The following WDR35 variants were observed in gnomAD, a reference collection of about 807,000 sequenced individuals.
WDR35 encodes the protein WD repeat domain 35.
Under a neutral mutation model 158.3 loss-of-function variants are expected in WDR35, and 118 were observed. That is an observed-to-expected ratio of 0.75 (90% CI 0.64 to 0.87). The LOEUF is 0.87. Among genes scored for constraint, WDR35 ranks in the 40% least tolerant of loss-of-function variants. WDR35 has a pLI of 0.00. For synonymous variants in WDR35, 448 were observed against 476.1 expected (o/e 0.94, Z 0.77); for missense variants, 1,263 against 1,405.8 (o/e 0.90, Z 1.62).
At chr2:19,947,812 C>CA (rs1176737661) in intron 14 of WDR35, among the ~76,000 whole-genome samples, 1 of 152,138 alleles carries the variant, frequency 6.6e-6, no homozygotes, top group Non-Finnish European at 1.5e-5. Flanking sequence ...TCTGTCTTCT[C>CA]GGCTGGTCAT....
rs1450841867 is a variant in WDR35, at chr2:19,910,878, T to C, written c.*2680A>G. On this transcript the variant is annotated 3_prime_UTR_variant, in exon 27 of 27. Transcript: ENST00000281405. ...TCATTAAAACTTTCACAGATATAGATACCAAAGAGGCATAAGCTTTTACAA... is the reference window on the plus strand; with the variant it reads ...TCATTAAAACTTTCACAGATATAGACACCAAAGAGGCATAAGCTTTTACAA... The C allele has an allele frequency of 1.3e-5, 2 of 152,144 alleles. No homozygotes were observed. Among genetic ancestry groups the C allele is most frequent in the Non-Finnish European group, 2.9e-5 (2 of 68,022 alleles). 9.4% of individuals were successfully genotyped at this position (152,144 alleles called of 1,614,324 possible).
At chr2:19,963,583 C>T (rs895114635) in intron 10 of WDR35, among the ~76,000 whole-genome samples, 1 of 152,062 alleles carries the variant, frequency 6.6e-6, no homozygotes, top group Non-Finnish European at 1.5e-5. Context: ...TCACTGGTGT[C>T]CACTCTACTG....
chr2:19,970,326 TTTCA>T (rs1671998781), intron 8 of WDR35, among the ~76,000 whole-genome samples: 1 of 152,230 alleles, frequency 6.6e-6, no homozygotes. Flanking sequence ...TGTCTTTCTC[TTTCA>T]TCCCCTCACA....
chr2:19,940,892 C>T (rs140956092), intron 17 of WDR35, among the ~76,000 whole-genome samples: 428 of 152,308 alleles, frequency 2.8e-3, no homozygotes, highest in African/African-American at 9.3e-3. Context: ...AGATACATTC[C>T]TGGTGTCCCT....
intron 16 of WDR35, among the ~76,000 whole-genome samples, chr2:19,942,182 T>C (rs1019297879): frequency 1.3e-5 from 2 of 152,066 alleles, no homozygotes; most frequent in African/African-American, 4.8e-5. Context: ...TAATAGCATG[T>C]AATATTCAGT....
intron 15 of WDR35, 144 bp downstream of exon 15, chr2:19,946,317 G>A: frequency 1.3e-6 from 1 of 770,914 alleles, no homozygotes; most frequent in South Asian, 1.5e-5. Flanking sequence ...TAAACCAAAT[G>A]CAGTATAAAA....
chr2:19,930,592 C>T (rs201234114), intron 24 of WDR35, 40 bp from the exon 25 acceptor site: 27 of 1,612,672 alleles, frequency 1.7e-5, no homozygotes, highest in Middle Eastern at 1.8e-4. Context: ...TCAGCACAAA[C>T]GCACACACAG....
intron 8 of WDR35, among the ~76,000 whole-genome samples, chr2:19,972,365 G>A (rs1402965616): frequency 6.6e-6 from 1 of 152,110 alleles, no homozygotes; most frequent in Non-Finnish European, 1.5e-5. Context: ...CAAACAAACA[G>A]ACTTTAGAAC....
At chr2:19,982,941 T>G (rs1457967943) in intron 2 of WDR35, among the ~76,000 whole-genome samples, 1 of 152,192 alleles carries the variant, frequency 6.6e-6, no homozygotes, top group African/African-American at 2.4e-5. Flanking sequence ...TTCATTCATT[T>G]AACAAATATT....
chr2:19,982,453 A>AATGAC lies in WDR35; in HGVS notation c.214+5_214+9dup. ...CTCAAACATGACTTAAAAGAAATTG[A>AATGAC]ATGACTCACCACTATGACCTTCAAG... On this transcript the variant is annotated intron_variant, in intron 3 of 26. Coordinates refer to ENST00000281405, the MANE Select transcript of WDR35 (RefSeq NM_020779.4). 1 of 1,613,096 alleles carries AATGAC rather than the reference A, an allele frequency of 6.2e-7. No homozygotes were observed.
intron 8 of WDR35, among the ~76,000 whole-genome samples, chr2:19,970,251 T>C (rs1354664047): frequency 6.6e-6 from 1 of 152,176 alleles, no homozygotes; most frequent in Non-Finnish European, 1.5e-5. Context: ...CATTTTAAAG[T>C]TGTAAAAAAT....
chr2:19,918,873 A>T (rs1670071412), intron 25 of WDR35, among the ~76,000 whole-genome samples: 1 of 152,200 alleles, frequency 6.6e-6, no homozygotes, highest in Non-Finnish European at 1.5e-5. Flanking sequence ...GCAGGACTTG[A>T]ACTCAGCTGT....
At chr2:19,978,193 C>CAG (rs1035422562) in intron 5 of WDR35, among the ~76,000 whole-genome samples, 1 of 141,130 alleles carries the variant, frequency 7.1e-6, no homozygotes, top group Admixed American at 7.2e-5. Context: ...CACACACACA[C>CAG]AGACACACAC....
chr2:19,953,288 T>C (rs1340805986), intron 12 of WDR35, among the ~76,000 whole-genome samples: 1 of 152,196 alleles, frequency 6.6e-6, no homozygotes, highest in Non-Finnish European at 1.5e-5. Flanking sequence ...ATCTACTATG[T>C]GGCAGAGCCC....
rs1233557739 is a variant in WDR35, at chr2:19,969,503, C to T, written c.985G>A (p.Ala329Thr). 7 of 1,613,070 alleles carry T rather than the reference C, an allele frequency of 4.3e-6. No individual in the cohort carries two copies. Among genetic ancestry groups the T allele is most frequent in the African/African-American group, 1.3e-5 (1 of 74,876 alleles). ...ALAVDSFIYF[A>T]NIRPNYKWGY... ...ACCTTATAATTAGGTCGAATGTTTGCAAAATATATAAAGGAATCAACAGCT... is the reference window on the plus strand; with the variant it reads ...ACCTTATAATTAGGTCGAATGTTTGTAAAATATATAAAGGAATCAACAGCT... Residue 329 changes from alanine to threonine, a missense_variant, in exon 9 of 27, where the codon GCA becomes ACA. Ala to Thr is a moderately conservative substitution (Grantham distance 58). Transcript: ENST00000281405.
chr2:19,946,792 A>G (rs138090557), intron 14 of WDR35, among the ~76,000 whole-genome samples: 429 of 152,306 alleles, frequency 2.8e-3, no homozygotes, highest in African/African-American at 9.4e-3. Flanking sequence ...TTCATGTAAT[A>G]TTCAAGAAAG....
chr2:19,952,642 A>G (rs563833092), intron 12 of WDR35, among the ~76,000 whole-genome samples: 1 of 152,308 alleles, frequency 6.6e-6, no homozygotes, highest in East Asian at 1.9e-4. Flanking sequence ...GCCTACCAGC[A>G]TGAGGACTAC....
intron 16 of WDR35, 108 bp downstream of exon 16, chr2:19,945,678 T>C: frequency 8.4e-7 from 1 of 1,189,716 alleles, no homozygotes; most frequent in Non-Finnish European, 1.2e-6. Flanking sequence ...TGCAGCCGTG[T>C]TGGCACTGCT....
Position 19,913,562 on chromosome 2 carries a change from C to T in WDR35, c.3509G>A (p.Gly1170Glu). 2 of 1,613,930 alleles carry T rather than the reference C, an allele frequency of 1.2e-6. No homozygotes were observed. Among genetic ancestry groups the T allele is most frequent in the Non-Finnish European group, 1.7e-6 (2 of 1,179,926 alleles). ...TATATACAGTTTATCATTCCTTTAT[C>T]CCACTGGACTATGGCATAAGGGGCA... Reference protein sequence around the residue: ...SFCPLCHSPVG With the variant: ...SFCPLCHSPVE The change falls in exon 27 of 27, where the codon GGA (glycine) becomes GAA (glutamate). Residue 1170 changes from glycine to glutamate, a missense_variant. Gly to Glu is a moderately conservative substitution (Grantham distance 98). Coordinates refer to ENST00000281405, the MANE Select transcript of WDR35 (RefSeq NM_020779.4).
Sources: allele counts gnomAD v4.1 joint callset (sites outside exome capture counted in the v4.1 genomes callset), GRCh38; gene constraint gnomAD v4.1.1; transcripts MANE v1.5; gene names NCBI Gene and HGNC (gene_info 2026-07-23, HGNC 2026-07-21).